BMP5: variants seen among roughly 807,000 people sequenced by gnomAD.
BMP5 encodes the protein bone morphogenetic protein 5.
In BMP5, 23 loss-of-function variants were observed where a neutral mutation model predicts 46.6. The ratio of observed to expected loss-of-function variants is 0.49; its 90% CI spans 0.35 to 0.70. BMP5 has a LOEUF of 0.70. BMP5 is among the 30% of genes least tolerant of loss of function. The pLI, the probability that BMP5 is intolerant of heterozygous loss-of-function variation, is 0.00. For missense variants in BMP5, 545 were observed against 565.6 expected, an observed-to-expected ratio of 0.96 and a Z score of 0.37; for synonymous variants, 204 against 191.9, an observed-to-expected ratio of 1.06 and a Z score of -0.52.
At chr6:55,853,802 GA>G (rs1391945163) in intron 1 of BMP5, among the ~76,000 whole-genome samples, 1 of 152,128 alleles carries the variant, frequency 6.6e-6, no homozygotes, top group East Asian at 1.9e-4. Flanking sequence ...AGTAAGAACT[GA>G]AGTACGGTTA....
intron 2 of BMP5, among the ~76,000 whole-genome samples, chr6:55,806,759 T>C (rs1201088125): frequency 6.6e-6 from 1 of 152,188 alleles, no homozygotes; most frequent in Non-Finnish European, 1.5e-5. Flanking sequence ...TAGTAGTTTG[T>C]AGTTTTCCTT....
intron 2 of BMP5, among the ~76,000 whole-genome samples, chr6:55,812,662 A>G (rs1776163445): frequency 6.6e-6 from 1 of 152,210 alleles, no homozygotes; most frequent in Non-Finnish European, 1.5e-5. Context: ...AGTTTAACTG[A>G]AAATACGAAG....
At chr6:55,790,035 A>C (rs953467293) in intron 3 of BMP5, among the ~76,000 whole-genome samples, 6 of 152,142 alleles carry the variant, frequency 3.9e-5, no homozygotes, top group African/African-American at 1.4e-4. Context: ...TTGATTCCCA[A>C]AATATATTTA....
intron 1 of BMP5, 120 bp downstream of exon 1, chr6:55,874,256 C>G: frequency 7.8e-7 from 1 of 1,285,540 alleles, no homozygotes; most frequent in African/African-American, 1.5e-5. Flanking sequence ...AGAAGCTAAA[C>G]AGGAGAGTTA....
chr6:55,788,266 T>C lies in BMP5; in HGVS notation c.832+6013A>G, dbSNP rs564108470. On this transcript the variant is annotated intron_variant, in intron 3 of 6. Transcript: ENST00000370830. ...TTATTTTCATTGATTAAATTAGTAA[T>C]CTCCAAAAATATGTTGTTTTTCTAA... Among the ~76,000 whole-genome samples the C allele has an allele frequency of 4.0e-5, 6 of 151,822 alleles. No homozygotes were observed. In the South Asian group the frequency reaches 1.2e-3, roughly 31 times the overall value.
In BMP5 at chr6:55,874,460, T is replaced by C. The variant is rs752340958; in HGVS notation, c.406A>G (p.Thr136Ala). 3.2e-5 allele frequency: 51 copies of C among 1,613,236 alleles called. No individual in the cohort carries two copies. Among genetic ancestry groups the C allele is most frequent in the Non-Finnish European group, 4.2e-5 (49 of 1,179,610 alleles). Residue 136 changes from threonine to alanine, a missense_variant, in exon 1 of 7, where the codon ACC becomes GCC. Physicochemically the swap from Thr to Ala is moderately conservative, Grantham distance 58. Coordinates refer to ENST00000370830, the MANE Select transcript of BMP5 (RefSeq NM_021073.4). ...RIQLSRTTPLTTQSPPLASLH... is the reference protein window; with the variant it reads ...RIQLSRTTPLATQSPPLASLH... Reference sequence around the variant, plus strand: ...CTGGCTAGAGGAGGACTCTGGGTGGTCAGAGGAGTCGTCCGAGATAACTGT... The same window carrying C: ...CTGGCTAGAGGAGGACTCTGGGTGGCCAGAGGAGTCGTCCGAGATAACTGT...
intron 1 of BMP5, among the ~76,000 whole-genome samples, chr6:55,856,363 C>T (rs1777397152): frequency 6.6e-6 from 1 of 152,034 alleles, no homozygotes; most frequent in African/African-American, 2.4e-5. Flanking sequence ...TTGTGTGAAC[C>T]CAAGTTTCCA....
chr6:55,837,583 TA>T (rs1776846917), intron 1 of BMP5, among the ~76,000 whole-genome samples: 1 of 152,162 alleles, frequency 6.6e-6, no homozygotes, highest in African/African-American at 2.4e-5. Flanking sequence ...TACTGGCAGG[TA>T]ATGTGAAATA....
intron 3 of BMP5, among the ~76,000 whole-genome samples, chr6:55,788,347 A>T (rs1775497250): frequency 6.6e-6 from 1 of 151,710 alleles, no homozygotes; most frequent in Non-Finnish European, 1.5e-5. Context: ...ACAGGTTAAA[A>T]CTTTCTTATT....
rs1347275837 is a variant in BMP5 at position 55,794,376 on chromosome 6, C to A, written c.735G>T (p.Val245=). The A allele has an allele frequency of 6.2e-7, 1 of 1,613,920 alleles. No individual in the cohort carries two copies. Among genetic ancestry groups the A allele is most frequent in the Non-Finnish European group, 8.5e-7 (1 of 1,179,886 alleles). ...CAGTGATATCAAAGACAAGCCAACC[C>A]ACATCTAAAGCTTGGGCCTTTCTTG... The part of the protein sequence containing the change: ...LDTRKAQALD[V]GWLVFDITVT... The change falls in exon 3 of 7, where the codon GTG becomes GTT. Residue 245 remains valine (V), a synonymous_variant. Transcript: ENST00000370830.
At chr6:55,872,648 T>C (rs1400480114) in intron 1 of BMP5, among the ~76,000 whole-genome samples, 2 of 151,774 alleles carry the variant, frequency 1.3e-5, no homozygotes, top group Non-Finnish European at 3.0e-5. Context: ...CTCTTGTGAA[T>C]GATCAGAGCA....
intron 3 of BMP5, among the ~76,000 whole-genome samples, chr6:55,780,475 AAAG>A (rs1562034455): frequency 0.036 from 4,419 of 124,410 alleles, 119 homozygotes; most frequent in Non-Finnish European, 0.054. Flanking sequence ...AAAAAAAAAG[AAAG>A]AAAGAAAGAA....
intron 1 of BMP5, among the ~76,000 whole-genome samples, chr6:55,857,947 A>G (rs1353292365): frequency 6.6e-6 from 1 of 152,110 alleles, no homozygotes; most frequent in Non-Finnish European, 1.5e-5. Flanking sequence ...CATGCTGGCC[A>G]GGCTGGTTTT....
At chr6:55,806,676 T>A (rs1056891670) in intron 2 of BMP5, among the ~76,000 whole-genome samples, 2 of 152,176 alleles carry the variant, frequency 1.3e-5, no homozygotes, top group African/African-American at 4.8e-5. Flanking sequence ...GCCATTTTCA[T>A]TATATTGATT....
chr6:55,799,429 G>C (rs113096327), intron 2 of BMP5, among the ~76,000 whole-genome samples: 88 of 152,286 alleles, frequency 5.8e-4, no homozygotes, highest in African/African-American at 2.1e-3. Flanking sequence ...AGGAGAAGGA[G>C]GAGGTAGAGA....
At chr6:55,794,982 G>C (rs1016865939) in intron 2 of BMP5, among the ~76,000 whole-genome samples, 1 of 152,076 alleles carries the variant, frequency 6.6e-6, no homozygotes, top group African/African-American at 2.4e-5. Flanking sequence ...TAAATCCCAT[G>C]AGTTGAGTGG....
At chr6:55,770,044 A>C (rs1409839808) in intron 4 of BMP5, among the ~76,000 whole-genome samples, 1 of 151,870 alleles carries the variant, frequency 6.6e-6, no homozygotes, top group Admixed American at 6.6e-5. Flanking sequence ...GGGTCCAAGG[A>C]TTTTCAGAAT....
At chr6:55,866,885 A>G (rs1777652364) in intron 1 of BMP5, among the ~76,000 whole-genome samples, 1 of 152,186 alleles carries the variant, frequency 6.6e-6, no homozygotes, top group Admixed American at 6.6e-5. Context: ...CTCACACTAA[A>G]TTATTATTCT....
At chr6:55,813,564 C>A (rs898411043) in intron 2 of BMP5, among the ~76,000 whole-genome samples, 1 of 151,784 alleles carries the variant, frequency 6.6e-6, no homozygotes, top group African/African-American at 2.4e-5. Context: ...CCGAGGCGGG[C>A]GGATCACGAG....
Sources: gnomAD v4.1 joint callset for allele counts (sites outside exome capture counted in the v4.1 genomes callset) on GRCh38, gnomAD v4.1.1 for gene constraint, MANE v1.5 for transcripts, NCBI Gene and HGNC (gene_info 2026-07-23, HGNC 2026-07-21) for gene names.